The following HDAC9 variants were observed in gnomAD, a reference collection of about 807,000 sequenced individuals.
The protein encoded by HDAC9 is histone deacetylase 9.
Under a neutral mutation model 139.4 loss-of-function variants are expected in HDAC9, and 41 were observed. The ratio of observed to expected loss-of-function variants is 0.29; its 90% CI spans 0.23 to 0.38. The LOEUF is 0.38. Ranked by LOEUF, HDAC9 falls within the 10% of genes least tolerant of loss-of-function variation. HDAC9 has a pLI of 1.00. For synonymous variants in HDAC9, 517 were observed against 476.2 expected (o/e 1.09, Z -1.12); for missense variants, 1,147 against 1,297.0 (o/e 0.88, Z 1.78).
At chr7:18,889,918 T>A (rs1800526927) in intron 22 of HDAC9, among the ~76,000 whole-genome samples, 1 of 152,208 alleles carries the variant, frequency 6.6e-6, no homozygotes, top group African/African-American at 2.4e-5. Context: ...TTGCCCAGGC[T>A]GGTCTTGAAC....
intron 24 of HDAC9, 60 bp from the exon 25 acceptor site, chr7:18,975,746 A>G (rs1398485793): frequency 1.4e-5 from 21 of 1,505,236 alleles, no homozygotes; most frequent in Non-Finnish European, 1.7e-5. Context: ...GTATGTGAGT[A>G]TTCTGATTAT....
intron 1 of HDAC9, among the ~76,000 whole-genome samples, chr7:18,357,378 T>C (rs542056725): frequency 1.3e-5 from 2 of 152,286 alleles, no homozygotes; most frequent in South Asian, 4.1e-4. Flanking sequence ...TTTCCTTCTG[T>C]CGTCTCTGTT....
At chr7:18,102,119 G>T (rs1452676217) in intron 1 of HDAC9, among the ~76,000 whole-genome samples, 1 of 152,096 alleles carries the variant, frequency 6.6e-6, no homozygotes, top group Non-Finnish European at 1.5e-5. Context: ...ATATACTACT[G>T]TGAACTAATA....
At chr7:18,925,665 A>G (rs1034470423) in intron 22 of HDAC9, among the ~76,000 whole-genome samples, 5 of 151,614 alleles carry the variant, frequency 3.3e-5, no homozygotes, top group African/African-American at 4.8e-5. Flanking sequence ...CCATACACCT[A>G]TGTAAGCAAG....
chr7:18,829,991 A>C (rs1795742190), intron 19 of HDAC9, among the ~76,000 whole-genome samples: 1 of 152,180 alleles, frequency 6.6e-6, no homozygotes, highest in Non-Finnish European at 1.5e-5. Context: ...ACAAGTCGGC[A>C]TGTCACTCTT....
At chr7:18,616,041 G>T (rs1838497757) in intron 6 of HDAC9, among the ~76,000 whole-genome samples, 1 of 152,126 alleles carries the variant, frequency 6.6e-6, no homozygotes, top group South Asian at 2.1e-4. Flanking sequence ...CTAGCTGTGG[G>T]CTGTCCCATC....
At chr7:18,963,871 C>T (rs780331450) in intron 24 of HDAC9, among the ~76,000 whole-genome samples, 1 of 152,018 alleles carries the variant, frequency 6.6e-6, no homozygotes, top group African/African-American at 2.4e-5. Context: ...TTTTTAATTC[C>T]TCATTTCTCC....
At chr7:18,768,494 G>GA (rs1790016429) in intron 16 of HDAC9, among the ~76,000 whole-genome samples, 1 of 152,048 alleles carries the variant, frequency 6.6e-6, no homozygotes, top group Non-Finnish European at 1.5e-5. Context: ...ATTAATCCTT[G>GA]CTTATTTTTA....
At chr7:18,542,411 T>C (rs1410118643) in intron 2 of HDAC9, among the ~76,000 whole-genome samples, 2 of 152,216 alleles carry the variant, frequency 1.3e-5, no homozygotes, top group African/African-American at 4.8e-5. Context: ...CTAATATGTA[T>C]AAAACATTTA....
intron 6 of HDAC9, among the ~76,000 whole-genome samples, chr7:18,597,144 A>G (rs1332681953): frequency 1.3e-5 from 2 of 152,166 alleles, no homozygotes; most frequent in Non-Finnish European, 2.9e-5. Flanking sequence ...GCATTTTAGA[A>G]ACATGGAATT....
Position 18,954,195 on chromosome 7 carries a change from C to T in HDAC9, c.2987C>T (p.Ala996Val). Residue 996 changes from alanine to valine, a missense_variant, in exon 24 of 26, where the codon GCT becomes GTT. This residue lies in a region of HDAC9 where 407 missense variants were observed against 521.5 expected (regional missense o/e 0.78). Coordinates refer to ENST00000686413, the MANE Select transcript of HDAC9 (RefSeq NM_178425.4). ...CTCCACCAAAGCCCGAATATGAATG[C>T]TGTTATTTCTTTACAGAAGATCATT... is the stretch of plus-strand genomic sequence containing the variant. ...DILHQSPNMN[A>V]VISLQKIIEI... The T allele has an allele frequency of 6.4e-7, 1 of 1,564,266 alleles. No homozygotes were observed. Among genetic ancestry groups the T allele is most frequent in the South Asian group, 1.2e-5 (1 of 85,898 alleles).
intron 2 of HDAC9, among the ~76,000 whole-genome samples, chr7:18,548,330 GA>G (rs147554918): frequency 4.0e-5 from 6 of 151,838 alleles, no homozygotes; most frequent in South Asian, 2.1e-4. Flanking sequence ...TAATAATAAT[GA>G]AAAAAAATTG....
In HDAC9 at chr7:18,311,349, T is replaced by C. The variant is rs1041069230; in HGVS notation, c.-42+20834T>C. 5.3e-5 allele frequency among the ~76,000 whole-genome samples: 8 copies of C among 152,242 alleles called. No individual in the cohort carries two copies. The East Asian group carries it at 7.7e-4, about 15-fold the overall frequency. On this transcript the variant is annotated intron_variant, in intron 1 of 3. Coordinates refer to the HDAC9 transcript ENST00000413509. ...TATTGTATATGATTAGGAAAAGAAATAATGAATCAACTTTTATTATATCTA... is the reference window on the plus strand; with the variant it reads ...TATTGTATATGATTAGGAAAAGAAACAATGAATCAACTTTTATTATATCTA...
At chr7:18,163,109 T>C (rs1409961408) in intron 2 of HDAC9, among the ~76,000 whole-genome samples, 1 of 152,180 alleles carries the variant, frequency 6.6e-6, no homozygotes, top group African/African-American at 2.4e-5. Context: ...TTGAACTAAG[T>C]TGAAGCTTAT....
At chr7:18,309,950 G>A (rs1799190730) in intron 1 of HDAC9, among the ~76,000 whole-genome samples, 1 of 152,184 alleles carries the variant, frequency 6.6e-6, no homozygotes, top group Admixed American at 6.5e-5. Flanking sequence ...CAATGTGGTA[G>A]GGCAGTGGTC....
intron 1 of HDAC9, among the ~76,000 whole-genome samples, chr7:18,371,352 A>G (rs975041991): frequency 3.9e-5 from 6 of 152,182 alleles, no homozygotes; most frequent in Admixed American, 2.0e-4. Flanking sequence ...AATGTTAAGA[A>G]GGAAGATAAA....
intron 6 of HDAC9, among the ~76,000 whole-genome samples, chr7:18,616,161 C>A (rs1371202134): frequency 6.6e-6 from 1 of 152,274 alleles, no homozygotes; most frequent in Middle Eastern, 3.4e-3. Flanking sequence ...CCAAGTTAAT[C>A]TTTTTTAAGT....
At chr7:18,662,971 C>T (rs376119663) in intron 11 of HDAC9, among the ~76,000 whole-genome samples, 1 of 151,836 alleles carries the variant, frequency 6.6e-6, no homozygotes, top group Non-Finnish European at 1.5e-5. Context: ...CCAGTAAAAC[C>T]CATATTGAAA....
chr7:18,778,231 CT>C (rs1161047512), intron 16 of HDAC9, among the ~76,000 whole-genome samples: 1 of 151,920 alleles, frequency 6.6e-6, no homozygotes. Flanking sequence ...AGAGCATTCT[CT>C]TTTTTATTGA....
Sources: allele counts gnomAD v4.1 joint callset (sites outside exome capture counted in the v4.1 genomes callset), GRCh38; gene constraint gnomAD v4.1.1; regional missense constraint gnomAD v4.1.1; transcripts MANE v1.5; gene names NCBI Gene and HGNC (gene_info 2026-07-23, HGNC 2026-07-21).